MYT1L: variants seen among roughly 807,000 people sequenced by gnomAD.
MYT1L encodes the protein myelin transcription factor 1-like protein.
MYT1L carries 12 observed loss-of-function variants against 126.7 expected under a neutral mutation model. The ratio of observed to expected loss-of-function variants is 0.09; its 90% CI spans 0.06 to 0.15. The LOEUF (loss-of-function observed/expected upper bound fraction) is 0.15, where lower values mean the gene tolerates loss of function less well. MYT1L is among the 10% of genes least tolerant of loss of function. The pLI, the probability that MYT1L is intolerant of heterozygous loss-of-function variation, is 1.00. For missense variants in MYT1L, 979 were observed against 1,585.2 expected (o/e 0.62, Z 6.49); for synonymous variants, 541 against 604.2 (o/e 0.90, Z 1.53).
chr2:2,233,841 A>C (rs2094218457), intron 2 of MYT1L, among the ~76,000 whole-genome samples: 1 of 152,154 alleles, frequency 6.6e-6, no homozygotes, highest in Non-Finnish European at 1.5e-5. Context: ...CGTGGCCTTT[A>C]ACTATGTCCA....
intron 4 of MYT1L, among the ~76,000 whole-genome samples, chr2:2,047,436 G>T (rs1228228369): frequency 1.3e-5 from 2 of 152,186 alleles, no homozygotes; most frequent in Admixed American, 1.3e-4. Flanking sequence ...CTAACAAAGT[G>T]TACCCCCAGT....
intron 4 of MYT1L, among the ~76,000 whole-genome samples, chr2:2,036,467 A>G (rs979930835): frequency 6.6e-6 from 1 of 151,172 alleles, no homozygotes; most frequent in South Asian, 2.1e-4. Flanking sequence ...CCACCCTCCA[A>G]TGCGGGTGCA....
intron 15 of MYT1L, among the ~76,000 whole-genome samples, chr2:1,890,483 A>C (rs1008138713): frequency 2.0e-5 from 3 of 152,166 alleles, no homozygotes; most frequent in Non-Finnish European, 1.5e-5. Flanking sequence ...TCTAGATTTC[A>C]GCAAACCTGC....
rs947858119 is a variant in MYT1L, at chr2:1,811,735, G to A, written c.3081-2568C>T. 2.6e-5 allele frequency among the ~76,000 whole-genome samples: 4 copies of A among 152,248 alleles called. No individual in the cohort carries two copies. Among genetic ancestry groups the A allele is most frequent in the Admixed American group, 1.3e-4 (2 of 15,292 alleles). ...ACTCAAGCTGTCTTTAGTGTGGGGCGTGAACGAACCCCTCGCGTTCCGGAG... is the reference window on the plus strand; with the variant it reads ...ACTCAAGCTGTCTTTAGTGTGGGGCATGAACGAACCCCTCGCGTTCCGGAG... On this transcript the variant is annotated intron_variant, in intron 21 of 24. Transcript: ENST00000647738. This position sits in a 1 kb window ranked among gnomAD's most constrained non-coding sequence, Gnocchi z 4.4.
chr2:2,310,300 G>A (rs780237535), intron 1 of MYT1L, among the ~76,000 whole-genome samples: 6 of 151,146 alleles, frequency 4.0e-5, no homozygotes, highest in Non-Finnish European at 8.8e-5. Flanking sequence ...ACACTTTTCT[G>A]TTCTTTATCT....
intron 21 of MYT1L, among the ~76,000 whole-genome samples, chr2:1,836,847 C>G (rs1439608328): frequency 6.6e-6 from 1 of 152,234 alleles, no homozygotes; most frequent in Non-Finnish European, 1.5e-5. Flanking sequence ...TTTCCATCAG[C>G]TTGTCAAGGC....
chr2:1,844,218 A>C (rs1014081556), intron 19 of MYT1L, among the ~76,000 whole-genome samples: 44 of 152,248 alleles, frequency 2.9e-4, no homozygotes, highest in African/African-American at 1.1e-3. Flanking sequence ...CTTCCCCTTC[A>C]GCACTGAACA....
chr2:1,805,064 A>G (rs950533782), intron 22 of MYT1L, among the ~76,000 whole-genome samples: 3 of 152,204 alleles, frequency 2.0e-5, no homozygotes, highest in African/African-American at 7.2e-5. Context: ...GAGACTCACT[A>G]ACAGCCACGC....
rs527691833 is a variant in MYT1L at position 2,102,704 on chromosome 2, C to A, written c.-303-48581G>T. ...ATGATAGAGATCTAATTAACTTGAT[C>A]CGTGAAGCACTGAGTGCTGGATGGG... On this transcript the variant is annotated intron_variant, in intron 3 of 24. Coordinates refer to ENST00000647738, the MANE Select transcript of MYT1L (RefSeq NM_001303052.2). Among the ~76,000 whole-genome samples the A allele has an allele frequency of 1.1e-4, 16 of 151,266 alleles. No individual in the cohort carries two copies. The East Asian group carries it at 3.1e-3, about 29-fold the overall frequency.
intron 15 of MYT1L, among the ~76,000 whole-genome samples, chr2:1,891,562 C>T (rs2048879395): frequency 6.6e-6 from 1 of 152,168 alleles, no homozygotes; most frequent in Non-Finnish European, 1.5e-5. Flanking sequence ...ACGGCTGATC[C>T]CTTGGTGTGA....
rs1559586489 is a variant in MYT1L, at chr2:2,295,779, T to TAGAGAGACAGACAGAGAGAGAGAG, written c.-520-11300_-520-11277dup. 3.3e-4 allele frequency among the ~76,000 whole-genome samples: 12 copies of TAGAGAGACAGACAGAGAGAGAGAG among 36,520 alleles called. No individual in the cohort carries two copies. The East Asian group carries it at 0.01, about 31-fold the overall frequency. The allele number at this position is 36,520 out of a possible 152,430, so 24.0% of individuals were successfully genotyped here. On this transcript the variant is annotated intron_variant, in intron 1 of 24. Transcript: ENST00000647738. The stretch of plus-strand genomic sequence containing the variant: ...ACAGACAGACAGACAGAGAGAGAGA[T>TAGAGAGACAGACAGAGAGAGAGAG]AGAGAGACAGACAGAGAGAGAGAGA...
chr2:1,970,241 G>C (rs1471420506), intron 8 of MYT1L, among the ~76,000 whole-genome samples: 2 of 152,146 alleles, frequency 1.3e-5, no homozygotes, highest in Non-Finnish European at 2.9e-5. Context: ...GAGTGACACT[G>C]GTAATAAGAG....
intron 8 of MYT1L, among the ~76,000 whole-genome samples, chr2:1,945,229 T>C (rs2057097678): frequency 6.6e-6 from 1 of 152,038 alleles, no homozygotes; most frequent in African/African-American, 2.4e-5. Context: ...CAGGGAGTGA[T>C]ACGAGTTCTT....
At chr2:2,017,196 T>C (rs1018167349) in intron 4 of MYT1L, among the ~76,000 whole-genome samples, 3 of 152,220 alleles carry the variant, frequency 2.0e-5, no homozygotes, top group Admixed American at 6.5e-5. Flanking sequence ...TCCCTGCTTA[T>C]CGCACTGGTG....
chr2:2,299,917 T>C (rs776972814), intron 1 of MYT1L, among the ~76,000 whole-genome samples: 4 of 152,216 alleles, frequency 2.6e-5, no homozygotes, highest in African/African-American at 9.7e-5. Flanking sequence ...TATTGTGTCC[T>C]TTTAATTAAC....
At chr2:2,148,839 G>A (rs185169868) in intron 3 of MYT1L, among the ~76,000 whole-genome samples, 65 of 152,126 alleles carry the variant, frequency 4.3e-4, no homozygotes, top group Non-Finnish European at 7.5e-4. Context: ...TGATGCACCC[G>A]GATTATTTTA....
At chr2:1,818,975 C>T (rs80222832) in intron 21 of MYT1L, among the ~76,000 whole-genome samples, 3,947 of 152,190 alleles carry the variant, frequency 0.026, 163 homozygotes, top group African/African-American at 0.09. Flanking sequence ...TGTGGGTGGC[C>T]GTGTGACCAC....
At position 1,799,373 on chromosome 2, in the gene MYT1L, C is replaced by A. The variant is rs559230024; in HGVS notation, c.3276+2323G>T. Among the ~76,000 whole-genome samples the A allele has an allele frequency of 2.6e-5, 4 of 152,284 alleles. No individual in the cohort carries two copies. In the South Asian group the frequency reaches 8.3e-4, roughly 32 times the overall value. On this transcript the variant is annotated intron_variant, in intron 23 of 24. Coordinates refer to ENST00000647738, the MANE Select transcript of MYT1L (RefSeq NM_001303052.2). ...AGCCTGCGTAGGCACATGCGTTGTT[C>A]TTTAGGGCTCAGATCCAGGCGGCAT...
At chr2:1,927,286 A>G (rs7588882) in intron 9 of MYT1L, among the ~76,000 whole-genome samples, 23,955 of 152,258 alleles carry the variant, frequency 0.16, 2,041 homozygotes, top group East Asian at 0.32. Context: ...CTTCTGTTGC[A>G]TTACACATGA....
Sources: gnomAD v4.1 joint callset for allele counts (sites outside exome capture counted in the v4.1 genomes callset) on GRCh38, gnomAD v4.1.1 for gene constraint, Gnocchi (gnomAD v3.1) non-coding constraint, MANE v1.5 for transcripts, NCBI Gene and HGNC (gene_info 2026-07-23, HGNC 2026-07-21) for gene names.